The following AGO2 variants were observed in gnomAD, a reference collection of about 807,000 sequenced individuals.
AGO2 encodes argonaute RISC catalytic component 2.
AGO2 carries 5 observed loss-of-function variants against 102.3 expected under a neutral mutation model. The observed-to-expected ratio is 0.05, with a 90% CI of 0.03 to 0.10. The LOEUF (loss-of-function observed/expected upper bound fraction) is 0.10. Among genes scored for constraint, AGO2 ranks in the 10% least tolerant of loss-of-function variants. AGO2 has a pLI of 1.00. For missense variants in AGO2, 541 were observed against 1,183.7 expected, an observed-to-expected ratio of 0.46 and a Z score of 7.97; for synonymous variants, 449 against 473.1, an observed-to-expected ratio of 0.95 and a Z score of 0.66.
chr8:140,640,094 C>T (rs759739457), upstream of AGO2, among the ~76,000 whole-genome samples: 2 of 152,250 alleles, frequency 1.3e-5, no homozygotes, highest in African/African-American at 2.4e-5. Context: ...TTGCAGCCTT[C>T]GCCTCCTGGG....
intron 1 of AGO2, chr8:140,592,540 A>G (rs1216348877): frequency 6.6e-6 from 1 of 152,262 alleles, no homozygotes; most frequent in African/African-American, 2.4e-5. Flanking sequence ...CTTAGTAAAA[A>G]TGCCTTATGG....
At chr8:140,641,060 C>T in the AGO2 span, among the ~76,000 whole-genome samples, 1 of 152,086 alleles carries the variant, frequency 6.6e-6, no homozygotes, top group Non-Finnish European at 1.5e-5. Context: ...CTTTGGGAGG[C>T]TGAGGTGGGC....
chr8:140,564,660 G>A (rs1329770563), intron 3 of AGO2, among the ~76,000 whole-genome samples: 5 of 152,110 alleles, frequency 3.3e-5, no homozygotes, highest in Non-Finnish European at 5.9e-5. Context: ...AAACTATATA[G>A]GGCCAGGCAC....
rs574518192 is a variant in AGO2, at chr8:140,558,652, A to G, written c.791-80T>C. 2.0e-5 allele frequency: 30 copies of G among 1,480,006 alleles called. No homozygotes were observed. In the South Asian group the frequency reaches 3.3e-4, roughly 16 times the overall value. 91.7% of individuals were successfully genotyped at this position (1,480,006 alleles called of 1,614,324 possible). On this transcript the variant is annotated intron_variant, in intron 6 of 18. Transcript: ENST00000220592. ...GCGCCACTTGCGAGAATCAGTTTTCATAGGAATGTGGCTGGGGACCCAAGT... is the reference window on the plus strand; with the variant it reads ...GCGCCACTTGCGAGAATCAGTTTTCGTAGGAATGTGGCTGGGGACCCAAGT...
At chr8:140,581,885 C>G (rs577811703) in intron 2 of AGO2, among the ~76,000 whole-genome samples, 1 of 152,326 alleles carries the variant, frequency 6.6e-6, no homozygotes, top group African/African-American at 2.4e-5. Flanking sequence ...TTAGCATATT[C>G]AGAGTTCTGC....
chr8:140,625,318 C>A (rs1224433030), intron 1 of AGO2, among the ~76,000 whole-genome samples: 2 of 152,180 alleles, frequency 1.3e-5, no homozygotes, highest in Non-Finnish European at 2.9e-5. Flanking sequence ...GTTAGCCAGG[C>A]TGGCCTCAAA....
rs529815635 is a variant in AGO2, at chr8:140,625,651, A to C, written c.22+9834T>G. ...TGGCATATCCTTTGCAAAGCTTCCC[A>C]GAGGGAGTCCAACCAGAGTTCCCGC... On this transcript the variant is annotated intron_variant, in intron 1 of 18. Transcript: ENST00000220592. Among the ~76,000 whole-genome samples the C allele has an allele frequency of 9.2e-5, 14 of 152,208 alleles. No homozygotes were observed. The South Asian group carries it at 2.7e-3, about 29-fold the overall frequency.
intron 1 of AGO2, among the ~76,000 whole-genome samples, chr8:140,595,948 T>TATATATATTATATAA (rs1282490348): frequency 3.2e-4 from 17 of 53,036 alleles, no homozygotes; most frequent in African/African-American, 1.0e-3. Context: ...AATATATATT[T>TATATATATTATATAA]TATATATAAT....
chr8:140,544,824 C>T (rs991467133), intron 13 of AGO2, among the ~76,000 whole-genome samples: 1 of 152,220 alleles, frequency 6.6e-6, no homozygotes, highest in Admixed American at 6.5e-5. Context: ...CCCCTGGCAG[C>T]AAAACCACCC....
In AGO2 at chr8:140,522,981, A is replaced by G. The variant is rs992171563; in HGVS notation, c.*9063T>C. 2 of 152,274 alleles carry G rather than the reference A, an allele frequency of 1.3e-5. No homozygotes were observed. The highest frequency in any genetic ancestry group is 4.8e-5 in the African/African-American group (2 of 41,476). 9.4% of individuals were successfully genotyped at this position (152,274 alleles called of 1,614,324 possible). ...ATGGTATTCAACTAAAGACAATGAC[A>G]TGAAGCCTCAGAATTGTATTTAGCA... On this transcript the variant is annotated 3_prime_UTR_variant, in exon 19 of 19. Coordinates refer to ENST00000220592, the MANE Select transcript of AGO2 (RefSeq NM_012154.5).
chr8:140,618,075 G>A (rs1047569692), intron 1 of AGO2, among the ~76,000 whole-genome samples: 3 of 151,164 alleles, frequency 2.0e-5, no homozygotes, highest in Non-Finnish European at 4.4e-5. Flanking sequence ...AGGCCTAGAC[G>A]GGCAGATCAC....
At chr8:140,568,324 A>G (rs929908074) in intron 3 of AGO2, among the ~76,000 whole-genome samples, 1 of 151,294 alleles carries the variant, frequency 6.6e-6, no homozygotes, top group East Asian at 1.9e-4. Context: ...GAAACTGTGT[A>G]TGAAGCCAGG....
intron 2 of AGO2, among the ~76,000 whole-genome samples, chr8:140,579,382 T>C (rs559633198): frequency 4.6e-5 from 7 of 152,316 alleles, no homozygotes; most frequent in Non-Finnish European, 8.8e-5. Context: ...ATACACATGG[T>C]ATCAAACCCA....
chr8:140,618,405 C>A (rs1319993472), intron 1 of AGO2, among the ~76,000 whole-genome samples: 2 of 152,064 alleles, frequency 1.3e-5, no homozygotes, highest in Admixed American at 6.5e-5. Flanking sequence ...AGGAGAAACA[C>A]TTGAATTCAG....
chr8:140,582,713 TC>T (rs922314274), intron 2 of AGO2, among the ~76,000 whole-genome samples: 1 of 152,168 alleles, frequency 6.6e-6, no homozygotes. Context: ...ATCTTTATGA[TC>T]CCTAGGTAGG....
intron 1 of AGO2, among the ~76,000 whole-genome samples, chr8:140,594,246 T>G (rs2073788979): frequency 6.6e-6 from 1 of 152,026 alleles, no homozygotes; most frequent in Non-Finnish European, 1.5e-5. Flanking sequence ...AATAACTCAG[T>G]CGGAACAATT....
rs1427959370 is a variant in AGO2, at chr8:140,528,068, G to GA, written c.*3975dup. On this transcript the variant is annotated 3_prime_UTR_variant, in exon 19 of 19. Coordinates refer to ENST00000220592, the MANE Select transcript of AGO2 (RefSeq NM_012154.5). This position sits in a 1 kb window ranked among gnomAD's most constrained non-coding sequence, Gnocchi z 4.5. ...ATTGTATCAAATATATAATTTGACTGAAAAACTGCCTTGTAAAAATAAAAT... is the reference window on the plus strand; with the variant it reads ...ATTGTATCAAATATATAATTTGACTGAAAAAACTGCCTTGTAAAAATAAAAT... The GA allele has an allele frequency of 6.6e-6, 1 of 152,196 alleles. No individual in the cohort carries two copies. Among genetic ancestry groups the GA allele is most frequent in the Non-Finnish European group, 1.5e-5 (1 of 68,046 alleles). The allele number at this position is 152,196 out of a possible 1,614,324, so 9.4% of individuals were successfully genotyped here.
intron 1 of AGO2, among the ~76,000 whole-genome samples, chr8:140,600,633 T>C (rs2073919652): frequency 6.6e-6 from 1 of 151,730 alleles, no homozygotes; most frequent in Non-Finnish European, 1.5e-5. Flanking sequence ...TGAGCCGAGA[T>C]TGCACCACTG....
intron 1 of AGO2, among the ~76,000 whole-genome samples, chr8:140,608,035 C>T (rs2133061207): frequency 6.6e-6 from 1 of 152,288 alleles, no homozygotes; most frequent in Admixed American, 6.5e-5. Flanking sequence ...TCCCCTGTGG[C>T]CTTTGGTGAA....
Sources: allele counts gnomAD v4.1 joint callset (sites outside exome capture counted in the v4.1 genomes callset), GRCh38; gene constraint gnomAD v4.1.1; non-coding constraint Gnocchi (gnomAD v3.1); transcripts MANE v1.5; gene names NCBI Gene and HGNC (gene_info 2026-07-23, HGNC 2026-07-21).